The following DUSP10 variants were observed in gnomAD, a reference collection of about 807,000 sequenced individuals.
The protein encoded by DUSP10 is dual specificity protein phosphatase 10.
DUSP10 carries 14 observed loss-of-function variants against 30.8 expected under a neutral mutation model. That is an observed-to-expected ratio of 0.46 (90% CI 0.30 to 0.71). The LOEUF is 0.71. Ranked by LOEUF, DUSP10 falls within the 30% of genes least tolerant of loss-of-function variation. DUSP10 has a pLI of 0.08. For synonymous variants in DUSP10, 254 were observed against 250.4 expected (o/e 1.01, Z -0.14); for missense variants, 550 against 619.4 (o/e 0.89, Z 1.19).
intron 2 of DUSP10, among the ~76,000 whole-genome samples, chr1:221,723,419 C>G (rs1337773418): frequency 6.6e-6 from 1 of 152,214 alleles, no homozygotes. Context: ...TCTTGCAATA[C>G]TGCAATATAA....
intron 2 of DUSP10, chr1:221,737,048 G>A (rs949725567): frequency 2.0e-6 from 2 of 985,334 alleles, no homozygotes; most frequent in Non-Finnish European, 2.4e-6. Context: ...GAAAGGGAGA[G>A]AGGATCCTCA....
intron 2 of DUSP10, among the ~76,000 whole-genome samples, chr1:221,735,998 G>C (rs540799604): frequency 6.6e-6 from 1 of 152,310 alleles, no homozygotes; most frequent in Admixed American, 6.5e-5. Flanking sequence ...AGAAGCACAG[G>C]TCTGATGCCA....
intron 1 of DUSP10, 71 bp from the exon 2 acceptor site, chr1:221,739,858 T>C (rs1385677228): frequency 1.4e-6 from 2 of 1,424,172 alleles, no homozygotes; most frequent in Non-Finnish European, 9.2e-7. Flanking sequence ...ATCCAATCCC[T>C]GGGAAAGACC....
chr1:221,711,369 A>C lies in DUSP10; in HGVS notation c.812-4903T>G, dbSNP rs193239364. Reference sequence around the variant, plus strand: ...CTTTTTGGTCTTATGCTAAGCTAGAAAGTGAGCTGTTTCCAGAAATTTAAG... The same window carrying C: ...CTTTTTGGTCTTATGCTAAGCTAGACAGTGAGCTGTTTCCAGAAATTTAAG... On this transcript the variant is annotated intron_variant, in intron 2 of 3. Coordinates refer to ENST00000366899, the MANE Select transcript of DUSP10 (RefSeq NM_007207.6). Among the ~76,000 whole-genome samples the C allele has an allele frequency of 2.0e-5, 3 of 152,346 alleles. No homozygotes were observed. The East Asian group carries it at 5.8e-4, about 29-fold the overall frequency.
At position 221,706,053 on chromosome 1, in the gene DUSP10, A is replaced by G. The variant is rs767638667; in HGVS notation, c.1183+42T>C. 24 of 1,581,872 alleles carry G rather than the reference A, an allele frequency of 1.5e-5. No individual in the cohort carries two copies. The highest frequency in any genetic ancestry group is 2.0e-5 in the Non-Finnish European group (23 of 1,162,178). On this transcript the variant is annotated intron_variant, in intron 3 of 3. Coordinates refer to ENST00000366899, the MANE Select transcript of DUSP10 (RefSeq NM_007207.6). The surrounding 1 kb of genome is among the most constrained non-coding windows in gnomAD (Gnocchi z 4.6). ...ATATCAAAGCAAGAGCTGGAGGGAAAAGGAAGGCAGCGGATGAAAATTCCC... is the reference window on the plus strand; with the variant it reads ...ATATCAAAGCAAGAGCTGGAGGGAAGAGGAAGGCAGCGGATGAAAATTCCC...
At chr1:221,709,318 A>AG (rs956209793) in intron 2 of DUSP10, among the ~76,000 whole-genome samples, 5 of 150,788 alleles carry the variant, frequency 3.3e-5, no homozygotes, top group African/African-American at 1.2e-4. Flanking sequence ...GGGGGGAAAA[A>AG]AACCCGTGGC....
At position 221,742,064 on chromosome 1, in the gene DUSP10, C is replaced by A. The variant is rs1225913458; in HGVS notation, c.-127G>T. The A allele has an allele frequency of 2.0e-5, 3 of 152,334 alleles. No homozygotes were observed. The highest frequency in any genetic ancestry group is 7.2e-5 in the African/African-American group (3 of 41,476). 9.4% of individuals were successfully genotyped at this position (152,334 alleles called of 1,614,324 possible). A position where few individuals can be genotyped will look rare whatever the true frequency, so the allele number is the denominator to read the frequency against. On this transcript the variant is annotated 5_prime_UTR_variant, in exon 1 of 4. It removes an upstream start codon present in the reference 5' UTR. Coordinates refer to ENST00000366899, the MANE Select transcript of DUSP10 (RefSeq NM_007207.6). ...CATTCAGCCCCCATTCACTCGGCTTCATTGATCTCCAGCAGCAACATAGTT... is the reference window on the plus strand; with the variant it reads ...CATTCAGCCCCCATTCACTCGGCTTAATTGATCTCCAGCAGCAACATAGTT...
At chr1:221,730,213 T>C (rs188777061) in intron 2 of DUSP10, among the ~76,000 whole-genome samples, 15 of 152,298 alleles carry the variant, frequency 9.8e-5, no homozygotes, top group African/African-American at 3.1e-4. Flanking sequence ...ATAAAATAAA[T>C]ATAAGATATT....
intron 3 of DUSP10, among the ~76,000 whole-genome samples, chr1:221,705,827 C>T (rs1558115637): frequency 6.6e-6 from 1 of 152,200 alleles, no homozygotes; most frequent in South Asian, 2.1e-4. Context: ...CACTATTTCA[C>T]TGAGAACTTG....
At chr1:221,722,247 G>A (rs1661298793) in intron 2 of DUSP10, among the ~76,000 whole-genome samples, 1 of 152,210 alleles carries the variant, frequency 6.6e-6, no homozygotes, top group Non-Finnish European at 1.5e-5. Context: ...CTCTTGAAAG[G>A]TAGAAAAAGG....
chr1:221,729,802 T>C (rs2102645053), intron 2 of DUSP10, among the ~76,000 whole-genome samples: 1 of 152,262 alleles, frequency 6.6e-6, no homozygotes, highest in Non-Finnish European at 1.5e-5. Context: ...ACCCGTTCCT[T>C]TAAAGTCTTA....
intron 2 of DUSP10, among the ~76,000 whole-genome samples, chr1:221,712,777 CAAAAAAAAAAAA>C (rs58249338): frequency 1.8e-5 from 1 of 56,950 alleles, no homozygotes; most frequent in Non-Finnish European, 3.1e-5. Flanking sequence ...TATAAAGCAG[CAAAAAAAAAAAA>C]AAAAAAAAAA....
At chr1:221,730,407 CA>C (rs929381923) in intron 2 of DUSP10, among the ~76,000 whole-genome samples, 13 of 152,232 alleles carry the variant, frequency 8.5e-5, no homozygotes, top group Middle Eastern at 3.4e-3. Flanking sequence ...GTGCAATGGA[CA>C]ACAGATGCCT....
chr1:221,740,078 G>C (rs143656623), intron 1 of DUSP10, among the ~76,000 whole-genome samples: 235 of 152,234 alleles, frequency 1.5e-3, no homozygotes, highest in African/African-American at 5.4e-3. Context: ...CTGTAGAGAA[G>C]GTATAAGCAC....
At chr1:221,731,451 G>C (rs1158252424) in intron 2 of DUSP10, among the ~76,000 whole-genome samples, 1 of 151,948 alleles carries the variant, frequency 6.6e-6, no homozygotes, top group Non-Finnish European at 1.5e-5. Context: ...CCCACACAGA[G>C]GAGACTTGTC....
chr1:221,733,849 C>A (rs945169494), intron 2 of DUSP10, among the ~76,000 whole-genome samples: 2 of 152,224 alleles, frequency 1.3e-5, no homozygotes, highest in African/African-American at 4.8e-5. Context: ...GAATGAGGAA[C>A]AGATAAAGCA....
At chr1:221,718,604 A>G (rs1288515629) in intron 2 of DUSP10, among the ~76,000 whole-genome samples, 1 of 152,222 alleles carries the variant, frequency 6.6e-6, no homozygotes, top group Admixed American at 6.5e-5. Flanking sequence ...GTCTAAAAAC[A>G]TTCTTGCCTT....
intron 2 of DUSP10, among the ~76,000 whole-genome samples, chr1:221,714,504 A>G (rs1391447883): frequency 6.6e-6 from 1 of 152,150 alleles, no homozygotes; most frequent in Non-Finnish European, 1.5e-5. Flanking sequence ...AGATGGCGCC[A>G]GGCAAGGGGA....
intron 2 of DUSP10, 52 bp downstream of exon 2, chr1:221,738,882 A>G: frequency 3.9e-6 from 6 of 1,534,562 alleles, no homozygotes; most frequent in East Asian, 2.3e-5. Context: ...AGAAAACCCA[A>G]AGTGAACCCG....
Sources: allele counts gnomAD v4.1 joint callset (sites outside exome capture counted in the v4.1 genomes callset), GRCh38; gene constraint gnomAD v4.1.1; non-coding constraint Gnocchi (gnomAD v3.1); transcripts MANE v1.5; gene names NCBI Gene and HGNC (gene_info 2026-07-23, HGNC 2026-07-21).